Variants in TTC34 observed in about 807,000 individuals in gnomAD.
TTC34 encodes the protein tetratricopeptide repeat protein 34.
A neutral mutation model predicts 40.7 loss-of-function variants in TTC34; 44 were observed. The ratio of observed to expected loss-of-function variants is 1.08; its 90% CI spans 0.85 to 1.39. The LOEUF (loss-of-function observed/expected upper bound fraction) is 1.39. Among genes scored for constraint, TTC34 ranks in the 40% most tolerant of loss-of-function variants. TTC34 has a pLI of 0.00. For synonymous variants in TTC34, 422 were observed against 398.6 expected (o/e 1.06, Z -0.70); for missense variants, 884 against 838.0 (o/e 1.05, Z -0.68).
chr1:2,693,193 TGCGCATCTGATGGTCTG>T (rs1640706270), intron 6 of TTC34, among the ~76,000 whole-genome samples: 1 of 101,760 alleles, frequency 9.8e-6, no homozygotes, highest in East Asian at 3.2e-4. Flanking sequence ...CACCCCCAGG[TGCGCATCTGATGGTCTG>T]GAGCAGAACC....
chr1:2,686,785 C>A (rs1640376061), intron 6 of TTC34, among the ~76,000 whole-genome samples: 28 of 130,240 alleles, frequency 2.1e-4, no homozygotes, highest in Admixed American at 4.8e-4. Context: ...ATGTGACAGC[C>A]TGGATCAGCA....
chr1:2,644,252 T>C lies in TTC34; in HGVS notation c.2712+12A>G, dbSNP rs1042470312. The C allele has an allele frequency of 7.9e-6, 12 of 1,528,468 alleles. No homozygotes were observed. In the East Asian group the frequency reaches 2.7e-4, roughly 34 times the overall value. The allele number at this position is 1,528,468 out of a possible 1,614,324, so 94.7% of individuals were successfully genotyped here. A position where few individuals can be genotyped will look rare whatever the true frequency, so the allele number is the denominator to read the frequency against. On this transcript the variant is annotated intron_variant, in intron 8 of 8. Coordinates refer to ENST00000401095, the Ensembl canonical transcript of TTC34. ...AGGTTGGGGTGGGAGATCTGTGGGG[T>C]TCTTTGGGCACCTGGGCAAGGCTCT...
chr1:2,751,990 GC>G lies in TTC34; in HGVS notation c.2226+31618del, dbSNP rs1313456097. ...CACACCCCCAGGCGAGCATTTGACA[GC>G]CTGGAGCAGTGCCCACACACCCAGC... On this transcript the variant is annotated intron_variant, in intron 6 of 8. Coordinates refer to ENST00000401095, the Ensembl canonical transcript of TTC34. 3.4e-5 allele frequency among the ~76,000 whole-genome samples: 4 copies of G among 116,732 alleles called. 1 individual carries two copies. Among genetic ancestry groups the G allele is most frequent in the African/African-American group, 1.5e-4 (4 of 26,090 alleles). 76.6% of individuals were successfully genotyped at this position (116,732 alleles called of 152,430 possible).
In TTC34 at chr1:2,751,923, C is replaced by T. The variant is rs1242695645; in HGVS notation, c.2226+31686G>A. Among the ~76,000 whole-genome samples, 7 of 115,576 alleles carry T rather than the reference C, an allele frequency of 6.1e-5. 2 individuals carry two copies. The highest frequency in any genetic ancestry group is 1.2e-4 in the African/African-American group (3 of 25,224). The allele number at this position is 115,576 out of a possible 152,430, so 75.8% of individuals were successfully genotyped here. A position where few individuals can be genotyped will look rare whatever the true frequency, so the allele number is the denominator to read the frequency against. On this transcript the variant is annotated intron_variant, in intron 6 of 8. Transcript: ENST00000401095. Reference sequence around the variant, plus strand: ...GAGCATCTGATGGTCTGGAGCAGCACGCATAACCACAGGTGAACATCGGAG... The same window carrying T: ...GAGCATCTGATGGTCTGGAGCAGCATGCATAACCACAGGTGAACATCGGAG...
intron 6 of TTC34, among the ~76,000 whole-genome samples, chr1:2,780,688 G>A (rs2100616910): frequency 6.6e-6 from 1 of 152,310 alleles, no homozygotes; most frequent in Non-Finnish European, 1.5e-5. Context: ...ATCAGGAAGT[G>A]TGAGTCCTCC....
intron 6 of TTC34, among the ~76,000 whole-genome samples, chr1:2,756,440 T>TCCGGCAGC (rs1641508081): frequency 9.6e-6 from 1 of 104,570 alleles, no homozygotes; most frequent in Admixed American, 9.3e-5. Flanking sequence ...CAGGTGAGCA[T>TCCGGCAGC]CTGACAGCCT....
rs551275391 is a variant in TTC34 at position 2,695,072 on chromosome 1, A to C, written c.2227-49509T>G. On this transcript the variant is annotated intron_variant, in intron 6 of 8. Coordinates refer to ENST00000401095, the Ensembl canonical transcript of TTC34. ...TCTGACACACTGAAACAGCACACAC[A>C]CCCCCAGGCGAGCATCTGACAACCT... Among the ~76,000 whole-genome samples the C allele has an allele frequency of 1.2e-4, 17 of 136,290 alleles. 2 individuals are homozygous for C. In the South Asian group the frequency reaches 2.5e-3, roughly 20 times the overall value. The allele number at this position is 136,290 out of a possible 152,430, so 89.4% of individuals were successfully genotyped here. A position where few individuals can be genotyped will look rare whatever the true frequency, so the allele number is the denominator to read the frequency against.
At chr1:2,677,409 G>T (rs201490989) in intron 6 of TTC34, among the ~76,000 whole-genome samples, 21 of 41,188 alleles carry the variant, frequency 5.1e-4, no homozygotes, top group East Asian at 8.6e-4. Flanking sequence ...AGCACCCACA[G>T]CCCAAGGTGA....
At chr1:2,688,470 T>C (rs1170968174) in intron 6 of TTC34, among the ~76,000 whole-genome samples, 2 of 38,740 alleles carry the variant, frequency 5.2e-5, no homozygotes, top group Admixed American at 3.5e-4. Context: ...ACATCCGACA[T>C]TGTGGAGCAG....
intron 6 of TTC34, among the ~76,000 whole-genome samples, chr1:2,675,145 G>T (rs1639855579): frequency 1.4e-4 from 1 of 7,014 alleles, no homozygotes; most frequent in Non-Finnish European, 3.8e-4. Flanking sequence ...CTGACAGCCC[G>T]TAGCAGCACC....
At chr1:2,687,559 C>A (rs1409512225) in intron 6 of TTC34, among the ~76,000 whole-genome samples, 1 of 139,920 alleles carries the variant, frequency 7.1e-6, no homozygotes, top group African/African-American at 3.0e-5. Flanking sequence ...TGGAGCAGCA[C>A]GCTGCACCGC....
intron 6 of TTC34, among the ~76,000 whole-genome samples, chr1:2,764,233 C>G (rs1182324188): frequency 6.7e-6 from 1 of 150,088 alleles, no homozygotes. Context: ...CCCAGGCGAG[C>G]ATCTGACAGC....
chr1:2,775,289 G>A (rs1156715145), intron 6 of TTC34: 1 of 151,106 alleles, frequency 6.6e-6, no homozygotes, highest in Non-Finnish European at 1.5e-5. Flanking sequence ...GCATCCGACA[G>A]CCTGGAACAG....
rs1414352738 is a variant in TTC34 at position 2,751,868 on chromosome 1, C to T, written c.2226+31741G>A. On this transcript the variant is annotated intron_variant, in intron 6 of 8. Coordinates refer to ENST00000401095, the Ensembl canonical transcript of TTC34. ...CCTGCACCCCCAAGTGAGCATCCGA[C>T]AGCCTGGAGCAGCACCCACACCCCC... Among the ~76,000 whole-genome samples the T allele has an allele frequency of 1.4e-4, 15 of 109,510 alleles. 2 individuals carry two copies. The highest frequency in any genetic ancestry group is 2.5e-4 in the Non-Finnish European group (14 of 56,364). The allele number at this position is 109,510 out of a possible 152,430, so 71.8% of individuals were successfully genotyped here. A position where few individuals can be genotyped will look rare whatever the true frequency, so the allele number is the denominator to read the frequency against.
At chr1:2,750,234 G>C (rs1641270310) in intron 6 of TTC34, among the ~76,000 whole-genome samples, 2 of 151,998 alleles carry the variant, frequency 1.3e-5, no homozygotes, top group Non-Finnish European at 2.9e-5. Context: ...GTCTGGAGCA[G>C]CACCCACACC....
Position 2,751,884 on chromosome 1 carries a change from C to T in TTC34, c.2226+31725G>A, listed in dbSNP as rs1181579644. On this transcript the variant is annotated intron_variant, in intron 6 of 8. Coordinates refer to ENST00000401095, the Ensembl canonical transcript of TTC34. ...AGCATCCGACAGCCTGGAGCAGCAC[C>T]CACACCCCCAGGTGAGCATCTGATG... Among the ~76,000 whole-genome samples the T allele has an allele frequency of 1.4e-4, 16 of 117,482 alleles. 1 individual carries two copies. Among genetic ancestry groups the T allele is most frequent in the Non-Finnish European group, 1.9e-4 (11 of 58,826 alleles). The allele number at this position is 117,482 out of a possible 152,430, so 77.1% of individuals were successfully genotyped here.
exon 9 of TTC34, chr1:2,641,376 G>C (rs945884514): frequency 6.6e-7 from 1 of 1,511,486 alleles, no homozygotes; most frequent in Non-Finnish European, 8.8e-7. Flanking sequence ...AGTCACTGTA[G>C]CCAGCAGCCT....
intron 6 of TTC34, among the ~76,000 whole-genome samples, chr1:2,699,972 C>A (rs1430785962): frequency 1.0e-5 from 1 of 99,354 alleles, no homozygotes; most frequent in Middle Eastern, 6.2e-3. Context: ...AATGCTCACA[C>A]CCCAAGGTGA....
intron 6 of TTC34, among the ~76,000 whole-genome samples, chr1:2,683,524 C>G (rs1192996255): frequency 6.7e-6 from 1 of 148,598 alleles, no homozygotes; most frequent in Non-Finnish European, 1.5e-5. Flanking sequence ...ACCAGGTGAG[C>G]ATCTGATGGT....
Sources: allele counts gnomAD v4.1 joint callset (sites outside exome capture counted in the v4.1 genomes callset), GRCh38; gene constraint gnomAD v4.1.1; transcripts MANE v1.5; gene names NCBI Gene and HGNC (gene_info 2026-07-23, HGNC 2026-07-21).